The following CDK18 variants were observed in gnomAD, a reference collection of about 807,000 sequenced individuals.
CDK18 encodes the protein cyclin-dependent kinase 18.
CDK18 carries 52 observed loss-of-function variants against 62.0 expected under a neutral mutation model. The ratio of observed to expected loss-of-function variants is 0.84; its 90% CI spans 0.67 to 1.06. The LOEUF (loss-of-function observed/expected upper bound fraction) is 1.06. Among genes scored for constraint, CDK18 ranks in the 50% least tolerant of loss-of-function variants. CDK18 has a pLI of 0.00. For synonymous variants in CDK18, 237 were observed against 247.0 expected, an observed-to-expected ratio of 0.96 and a Z score of 0.38; for missense variants, 604 against 619.9, an observed-to-expected ratio of 0.97 and a Z score of 0.27.
intron 15 of CDK18, 88 bp downstream of exon 15, chr1:205,530,793 C>G (rs11240505): frequency 0.15 from 154,384 of 1,053,772 alleles, 14,915 homozygotes; most frequent in South Asian, 0.33. Context: ...CCCATGGTCC[C>G]CCCACCACTG....
intron 1 of CDK18, among the ~76,000 whole-genome samples, chr1:205,514,094 A>T (rs1667703081): frequency 6.6e-6 from 1 of 152,226 alleles, no homozygotes; most frequent in Non-Finnish European, 1.5e-5. Context: ...CTTGCCCTTA[A>T]AAAGCCCACA....
chr1:205,523,398 G>A, intron 2 of CDK18, 85 bp from the exon 3 acceptor site: 1 of 1,601,714 alleles, frequency 6.2e-7, no homozygotes, highest in East Asian at 2.2e-5. Context: ...CTTAGGGGAG[G>A]AGCACAGCGC....
intron 14 of CDK18, 37 bp downstream of exon 14, chr1:205,530,386 A>G (rs1202748537): frequency 6.3e-7 from 1 of 1,591,124 alleles, no homozygotes; most frequent in Non-Finnish European, 8.6e-7. Context: ...GCCACCCAGA[A>G]CCAAGGAAAG....
chr1:205,513,022 G>C (rs1415745294), intron 1 of CDK18, among the ~76,000 whole-genome samples: 1 of 152,206 alleles, frequency 6.6e-6, no homozygotes, highest in South Asian at 2.1e-4. Flanking sequence ...TATTGGGTGG[G>C]TGAACTCAAC....
chr1:205,526,015 G>T (rs1049334026), intron 5 of CDK18, 50 bp from the exon 6 acceptor site: 10 of 1,383,882 alleles, frequency 7.2e-6, no homozygotes, highest in Non-Finnish European at 8.1e-6. Flanking sequence ...ACTGGACAGA[G>T]GCCAGCAGCA....
chr1:205,505,497 G>A (rs936841559), intron 1 of CDK18, among the ~76,000 whole-genome samples: 2 of 152,162 alleles, frequency 1.3e-5, no homozygotes, highest in African/African-American at 4.8e-5. Context: ...GCGACAGAGG[G>A]TTAATGCAGC....
At chr1:205,530,948 C>G (rs1668708887) in intron 15 of CDK18, among the ~76,000 whole-genome samples, 1 of 152,248 alleles carries the variant, frequency 6.6e-6, no homozygotes, top group South Asian at 2.1e-4. Flanking sequence ...CATGCTGTCT[C>G]TGGTGCATTC....
chr1:205,527,960 C>A lies in CDK18; in HGVS notation c.853+43C>A, dbSNP rs1208238931. 2 of 1,612,958 alleles carry A rather than the reference C, an allele frequency of 1.2e-6. No homozygotes were observed. Among genetic ancestry groups the A allele is most frequent in the South Asian group, 1.1e-5 (1 of 90,998 alleles). The stretch of plus-strand genomic sequence containing the variant: ...GTGGGGGTCTGACGCTACTGGGGTG[C>A]CTCAGGGTGTGGGTGCAGTGGGGGA... On this transcript the variant is annotated intron_variant, in intron 9 of 15. Transcript: ENST00000429964. The surrounding 1 kb of genome is among the most constrained non-coding windows in gnomAD (Gnocchi z 4.1).
chr1:205,530,474 T>C, intron 14 of CDK18, 125 bp downstream of exon 14: 4 of 1,209,120 alleles, frequency 3.3e-6, no homozygotes, highest in South Asian at 2.5e-5. Context: ...CCCGGGCACC[T>C]TGCCTCCCCT....
intron 1 of CDK18, among the ~76,000 whole-genome samples, chr1:205,514,902 A>G (rs191451912): frequency 2.0e-5 from 3 of 152,366 alleles, no homozygotes; most frequent in African/African-American, 7.2e-5. Context: ...AGGTGTGGTC[A>G]TGCACAGTCT....
intron 5 of CDK18, among the ~76,000 whole-genome samples, 196 bp downstream of exon 5, chr1:205,525,391 G>A (rs566473323): frequency 1.8e-4 from 28 of 152,346 alleles, no homozygotes; most frequent in Non-Finnish European, 3.7e-4. Context: ...CTCAGATCCT[G>A]AAGGAGGGCG....
intron 1 of CDK18, among the ~76,000 whole-genome samples, chr1:205,519,030 G>A (rs181486488): frequency 2.6e-5 from 4 of 152,224 alleles, no homozygotes; most frequent in East Asian, 1.9e-4. Context: ...GACACTCATC[G>A]CCCTCTTCCC....
intron 13 of CDK18, chr1:205,529,812 C>T: frequency 7.2e-7 from 1 of 1,393,570 alleles, no homozygotes; most frequent in Non-Finnish European, 9.7e-7. Flanking sequence ...TCCTCCATGC[C>T]TCAGTTTCCT....
intron 1 of CDK18, among the ~76,000 whole-genome samples, chr1:205,509,985 C>T (rs1327339095): frequency 6.6e-6 from 1 of 151,788 alleles, no homozygotes; most frequent in Admixed American, 6.6e-5. Flanking sequence ...GAGGCTGAGG[C>T]ACGAGAATCG....
At chr1:205,512,609 G>A (rs748905495) in intron 1 of CDK18, among the ~76,000 whole-genome samples, 1 of 152,208 alleles carries the variant, frequency 6.6e-6, no homozygotes, top group African/African-American at 2.4e-5. Context: ...AGGAGGGAGA[G>A]GCGGGGCAAT....
At chr1:205,530,563 G>A in intron 14 of CDK18, 65 bp from the exon 15 acceptor site, 1 of 1,460,008 alleles carries the variant, frequency 6.8e-7, no homozygotes, top group Non-Finnish European at 9.6e-7. Context: ...GGTCCTTCTG[G>A]GCCAGTCCTT....
chr1:205,526,552 G>A, intron 7 of CDK18, 91 bp downstream of exon 7: 1 of 1,104,034 alleles, frequency 9.1e-7, no homozygotes, highest in Non-Finnish European at 1.4e-6. Flanking sequence ...AGTGGGAGTA[G>A]TGGGATGAGG....
chr1:205,519,639 C>A (rs531258070), intron 1 of CDK18, among the ~76,000 whole-genome samples: 32 of 152,304 alleles, frequency 2.1e-4, no homozygotes, highest in African/African-American at 7.2e-4. Flanking sequence ...CATTCCTGCT[C>A]CAGTCAGCTG....
At chr1:205,524,177 C>T in intron 3 of CDK18, 55 bp from the exon 4 acceptor site, 1 of 1,609,736 alleles carries the variant, frequency 6.2e-7, no homozygotes, top group Non-Finnish European at 8.5e-7. Context: ...AGCCCCACAG[C>T]CCTAGCTACC....
Sources: gnomAD v4.1 joint callset for allele counts (sites outside exome capture counted in the v4.1 genomes callset) on GRCh38, gnomAD v4.1.1 for gene constraint, Gnocchi (gnomAD v3.1) non-coding constraint, MANE v1.5 for transcripts, NCBI Gene and HGNC (gene_info 2026-07-23, HGNC 2026-07-21) for gene names.